ADGRE1: variants seen among roughly 807,000 people sequenced by gnomAD.
ADGRE1 encodes EGF-like module receptor 1.
ADGRE1 carries 82 observed loss-of-function variants against 102.7 expected under a neutral mutation model. The observed-to-expected ratio is 0.80, with a 90% CI of 0.67 to 0.96. ADGRE1 has a LOEUF of 0.96. Ranked by LOEUF, ADGRE1 falls within the 40% of genes least tolerant of loss-of-function variation. The pLI is 0.00. For missense variants in ADGRE1, 1,032 were observed against 1,085.3 expected (o/e 0.95, Z 0.69); for synonymous variants, 398 against 399.6 (o/e 1.00, Z 0.05).
intron 5 of ADGRE1, 150 bp from the exon 6 acceptor site, chr19:6,901,725 G>C: frequency 4.8e-6 from 4 of 831,724 alleles, no homozygotes; most frequent in Non-Finnish European, 7.7e-6. Flanking sequence ...ATGTCCCACT[G>C]TGTGCCTGGG....
intron 16 of ADGRE1, among the ~76,000 whole-genome samples, chr19:6,927,554 A>G (rs940273482): frequency 2.0e-5 from 3 of 152,182 alleles, no homozygotes; most frequent in Non-Finnish European, 4.4e-5. Context: ...GAGCTCTGCT[A>G]GATGGATACC....
In ADGRE1 at chr19:6,924,803, G is replaced by C; in HGVS notation, c.1917G>C (p.Leu639=). ...SIRNHNTYLH[L]HLCVCLLLAK... ...GAAATCACAACACCTACCTCCACCT[G>C]CACCTCTGCGTGTGTCTCCTCTTGG... The change falls in exon 15 of 21, where the codon CTG becomes CTC. Residue 639 remains leucine, a synonymous_variant. Coordinates refer to ENST00000312053, the MANE Select transcript of ADGRE1 (RefSeq NM_001974.5). 1 of 1,614,058 alleles carries C rather than the reference G, an allele frequency of 6.2e-7. No homozygotes were observed. Among genetic ancestry groups the C allele is most frequent in the Non-Finnish European group, 8.5e-7 (1 of 1,180,028 alleles).
intron 13 of ADGRE1, among the ~76,000 whole-genome samples, chr19:6,920,301 G>T (rs1434293728): frequency 1.3e-5 from 2 of 150,322 alleles, no homozygotes; most frequent in Non-Finnish European, 3.0e-5. Flanking sequence ...GTCATTGCAA[G>T]CTCCACCTCC....
rs1422139429 is a variant in ADGRE1, at chr19:6,919,568, G to T, written c.1441G>T (p.Val481Phe). 1 of 1,611,752 alleles carries T rather than the reference G, an allele frequency of 6.2e-7. No individual in the cohort carries two copies. Reference protein sequence around the residue: ...ESTETTGVAFVSFVGMESVLN... With the variant: ...ESTETTGVAFFSFVGMESVLN... The stretch of plus-strand genomic sequence containing the variant: ...TGCAGAGACCACTGGTGTGGCTTTT[G>T]TCTCCTTTGTGGGCATGGAATCGGT... The change falls in exon 13 of 21, where the codon GTC becomes TTC. Residue 481 changes from valine (V) to phenylalanine (F), a missense_variant. By Grantham distance (50) the Val-to-Phe change is conservative (BLOSUM62 -1). Transcript: ENST00000312053.
At chr19:6,907,540 A>G (rs1198294047) in intron 9 of ADGRE1, among the ~76,000 whole-genome samples, 2 of 151,976 alleles carry the variant, frequency 1.3e-5, no homozygotes, top group Admixed American at 6.6e-5. Context: ...GGGTTTTGCC[A>G]TGTTGGCCAG....
At chr19:6,895,201 G>T (rs117338142) in intron 2 of ADGRE1, 2 of 152,332 alleles carry the variant, frequency 1.3e-5, no homozygotes, top group Non-Finnish European at 2.9e-5. Context: ...CAGCCCATGT[G>T]AAAAGGGAGA....
chr19:6,896,655 T>C (rs1973563037), intron 3 of ADGRE1, 114 bp downstream of exon 3: 1 of 1,240,076 alleles, frequency 8.1e-7, no homozygotes, highest in East Asian at 2.6e-5. Flanking sequence ...AAATCTGGTT[T>C]AACTATATAT....
At chr19:6,938,510 C>CGAAA (rs1975530755) in intron 20 of ADGRE1, among the ~76,000 whole-genome samples, 2 of 151,914 alleles carry the variant, frequency 1.3e-5, no homozygotes, top group South Asian at 4.2e-4. Flanking sequence ...TTATTTTTTT[C>CGAAA]AACAATGTAT....
At chr19:6,893,418 C>G (rs1276773278) in intron 2 of ADGRE1, among the ~76,000 whole-genome samples, 1 of 152,100 alleles carries the variant, frequency 6.6e-6, no homozygotes, top group Non-Finnish European at 1.5e-5. Context: ...TCAGGCTGGT[C>G]TCGAACTCCC....
chr19:6,920,610 A>C (rs1238433048), intron 13 of ADGRE1, among the ~76,000 whole-genome samples: 29 of 124,174 alleles, frequency 2.3e-4, no homozygotes, highest in African/African-American at 8.6e-4. Flanking sequence ...TGCAACCCTC[A>C]CCTCCTCGGG....
At chr19:6,920,721 G>A (rs1974632326) in intron 13 of ADGRE1, among the ~76,000 whole-genome samples, 1 of 150,278 alleles carries the variant, frequency 6.7e-6, no homozygotes, top group Non-Finnish European at 1.5e-5. Flanking sequence ...TGTTGCTCAG[G>A]TTGGTCTGGA....
rs1047419776 is a variant in ADGRE1 at position 6,940,123 on chromosome 19, A to C, written c.*94A>C. 3.5e-5 allele frequency: 51 copies of C among 1,442,750 alleles called. No individual in the cohort carries two copies. Among genetic ancestry groups the C allele is most frequent in the Non-Finnish European group, 4.9e-5 (51 of 1,037,422 alleles). 89.4% of individuals were successfully genotyped at this position (1,442,750 alleles called of 1,614,324 possible). ...CCCTGAAATCTCTTCTCAGCTTAAC[A>C]TGGAAATGAGGATCCCACCAGCCCC... is the stretch of plus-strand genomic sequence containing the variant. On this transcript the variant is annotated 3_prime_UTR_variant, in exon 21 of 21. Transcript: ENST00000312053.
intron 2 of ADGRE1, among the ~76,000 whole-genome samples, chr19:6,891,525 T>C (rs950958626): frequency 1.3e-5 from 2 of 151,280 alleles, no homozygotes; most frequent in East Asian, 1.9e-4. Context: ...GCGATCTCGG[T>C]TCACTGCAAG....
chr19:6,914,588 G>A (rs1974310678), intron 11 of ADGRE1, among the ~76,000 whole-genome samples: 1 of 152,174 alleles, frequency 6.6e-6, no homozygotes, highest in South Asian at 2.1e-4. Context: ...CCTAATGGAT[G>A]CCCAGACGGC....
intron 10 of ADGRE1, among the ~76,000 whole-genome samples, chr19:6,909,105 G>T (rs1222742343): frequency 2.0e-5 from 3 of 148,270 alleles, no homozygotes; most frequent in Non-Finnish European, 4.4e-5. Context: ...CTGCACTTCA[G>T]CCTTGGCAAC....
At chr19:6,888,329 G>A (rs1053612103) in intron 1 of ADGRE1, among the ~76,000 whole-genome samples, 1 of 152,204 alleles carries the variant, frequency 6.6e-6, no homozygotes, top group Admixed American at 6.5e-5. Context: ...TGGGGTTGAG[G>A]AGGGGCAGTT....
At chr19:6,898,534 G>A (rs578082199) in intron 5 of ADGRE1, 90 of 1,542,912 alleles carry the variant, frequency 5.8e-5, no homozygotes, top group Non-Finnish European at 7.8e-5. Context: ...ATGTATTTCT[G>A]AACTGAGGCA....
chr19:6,931,139 C>T (rs548930557), intron 17 of ADGRE1, among the ~76,000 whole-genome samples: 9 of 148,804 alleles, frequency 6.0e-5, no homozygotes, highest in African/African-American at 2.0e-4. Flanking sequence ...TCCATGAGTT[C>T]ACCTGTTTTA....
At chr19:6,922,970 G>T (rs1194969694) in intron 14 of ADGRE1, among the ~76,000 whole-genome samples, 1 of 152,134 alleles carries the variant, frequency 6.6e-6, no homozygotes, top group South Asian at 2.1e-4. Flanking sequence ...CAAGCTACTC[G>T]GGAGGCTGAG....
Sources: allele counts gnomAD v4.1 joint callset (sites outside exome capture counted in the v4.1 genomes callset), GRCh38; gene constraint gnomAD v4.1.1; transcripts MANE v1.5; gene names NCBI Gene and HGNC (gene_info 2026-07-23, HGNC 2026-07-21).